The following NDUFC1 variants were observed in gnomAD, a reference collection of about 807,000 sequenced individuals.
The protein encoded by NDUFC1 is NADH:ubiquinone oxidoreductase subunit C1.
NDUFC1 carries 11 observed loss-of-function variants against 11.6 expected under a neutral mutation model. The observed-to-expected ratio is 0.95, with a 90% CI of 0.60 to 1.58. NDUFC1 has a LOEUF of 1.58. Among genes scored for constraint, NDUFC1 ranks in the 40% most tolerant of loss-of-function variants. The pLI is 0.00. For missense variants in NDUFC1, 112 were observed against 93.0 expected (o/e 1.20, Z -0.84); for synonymous variants, 52 against 42.2 (o/e 1.23, Z -0.90).
downstream of NDUFC1, chr4:139,289,930 C>T (rs1289166099): frequency 2.6e-5 from 4 of 152,152 alleles, no homozygotes; most frequent in African/African-American, 9.7e-5. Flanking sequence ...TCACAATATG[C>T]TTTATCTGAA....
At chr4:139,294,923 T>A in intron 4 of NDUFC1, 120 bp downstream of exon 4, 1 of 670,658 alleles carries the variant, frequency 1.5e-6, no homozygotes, top group South Asian at 1.8e-5. Flanking sequence ...ATAAATATCC[T>A]ACTGTTATGA....
At chr4:139,296,019 G>A (rs1200511021) in intron 2 of NDUFC1, 59 bp from the exon 3 acceptor site, 35 of 514,864 alleles carry the variant, frequency 6.8e-5, no homozygotes, top group African/African-American at 1.0e-4. Flanking sequence ...CCTATTCTCT[G>A]TCCTCTGGGG....
intron 1 of NDUFC1, among the ~76,000 whole-genome samples, chr4:139,299,443 T>C (rs1745611940): frequency 6.6e-6 from 1 of 152,124 alleles, no homozygotes; most frequent in Admixed American, 6.6e-5. Flanking sequence ...GAGTTAGCAT[T>C]TGGAACATAG....
intron 5 of NDUFC1, among the ~76,000 whole-genome samples, chr4:139,291,986 G>A (rs984619511): frequency 2.6e-5 from 4 of 151,872 alleles, no homozygotes; most frequent in Admixed American, 1.3e-4. Flanking sequence ...ACAGGCGCCC[G>A]CCACAACACC....
chr4:139,301,870 A>T (rs1319358220), intron 1 of NDUFC1: 1 of 1,562,946 alleles, frequency 6.4e-7, no homozygotes, highest in Non-Finnish European at 8.7e-7. Flanking sequence ...GGGAGGATTT[A>T]GCCGGTAACC....
At chr4:139,296,795 G>A (rs1473321839) in intron 2 of NDUFC1, among the ~76,000 whole-genome samples, 2 of 152,084 alleles carry the variant, frequency 1.3e-5, no homozygotes, top group Non-Finnish European at 2.9e-5. Context: ...AATATTTATA[G>A]GTAACAGACA....
chr4:139,301,986 C>T (rs1023684473), intron 1 of NDUFC1: 2 of 765,476 alleles, frequency 2.6e-6, no homozygotes, highest in Non-Finnish European at 4.0e-6. Flanking sequence ...TGCTCCCTCT[C>T]TGTGGTTCCT....
intron 1 of NDUFC1, among the ~76,000 whole-genome samples, chr4:139,298,962 T>C (rs1028889669): frequency 2.0e-5 from 3 of 151,842 alleles, no homozygotes; most frequent in African/African-American, 7.3e-5. Flanking sequence ...TATGAGGCAT[T>C]ATGCCTGGCC....
At chr4:139,293,755 G>C (rs1433549830) in intron 4 of NDUFC1, among the ~76,000 whole-genome samples, 3 of 152,032 alleles carry the variant, frequency 2.0e-5, no homozygotes, top group African/African-American at 7.2e-5. Flanking sequence ...TCCCAACAGA[G>C]GCAGTGTTTC....
chr4:139,292,508 T>A, intron 5 of NDUFC1, 22 bp downstream of exon 5: 1 of 1,150,478 alleles, frequency 8.7e-7, no homozygotes, highest in Non-Finnish European at 1.3e-6. Flanking sequence ...AATCTATTCA[T>A]CCAATAAGCT....
chr4:139,298,970 G>A (rs887432020), intron 1 of NDUFC1, among the ~76,000 whole-genome samples: 6 of 151,610 alleles, frequency 4.0e-5, no homozygotes, highest in Non-Finnish European at 7.4e-5. Flanking sequence ...ATTATGCCTG[G>A]CCTATGTTTT....
chr4:139,299,863 T>A (rs1255333612), intron 1 of NDUFC1, among the ~76,000 whole-genome samples: 1 of 152,198 alleles, frequency 6.6e-6, no homozygotes, highest in Admixed American at 6.5e-5. Context: ...ATTTTCTTCC[T>A]CTGAAGGAAA....
At chr4:139,291,837 C>T (rs888456998) in intron 5 of NDUFC1, among the ~76,000 whole-genome samples, 3 of 151,404 alleles carry the variant, frequency 2.0e-5, no homozygotes, top group Non-Finnish European at 4.4e-5. Flanking sequence ...ATTTTGGGTT[C>T]ATTCTTTTTT....
chr4:139,292,523 T>C lies in NDUFC1; in HGVS notation c.*20+7A>G, dbSNP rs757997057. 1 of 1,347,514 alleles carries C rather than the reference T, an allele frequency of 7.4e-7. No homozygotes were observed. 83.5% of individuals were successfully genotyped at this position (1,347,514 alleles called of 1,614,324 possible). ...AATCTATTCATCCAATAAGCTTGTATACTTACTACATTAGTGTTTCAAAAG... is the reference window on the plus strand; with the variant it reads ...AATCTATTCATCCAATAAGCTTGTACACTTACTACATTAGTGTTTCAAAAG... On this transcript the variant is annotated splice_region_variant and intron_variant, in intron 5 of 5. Coordinates refer to ENST00000394223, the MANE Select transcript of NDUFC1 (RefSeq NM_001184989.2).
chr4:139,301,761 C>T, intron 1 of NDUFC1: 1 of 1,562,724 alleles, frequency 6.4e-7, no homozygotes, highest in Non-Finnish European at 8.7e-7. Flanking sequence ...GCGGGAGCAG[C>T]GGGAGCAGCC....
At chr4:139,298,438 C>CAAA (rs147060181) in intron 1 of NDUFC1, among the ~76,000 whole-genome samples, 3 of 84,334 alleles carry the variant, frequency 3.6e-5, no homozygotes, top group East Asian at 4.0e-4. Flanking sequence ...AACTCTGTCT[C>CAAA]AAAAAAAAAA....
chr4:139,290,733 A>G (rs1392424899), intron 5 of NDUFC1, among the ~76,000 whole-genome samples: 3 of 151,016 alleles, frequency 2.0e-5, no homozygotes, highest in Non-Finnish European at 2.9e-5. Flanking sequence ...ATATATATAT[A>G]TGTACACTGT....
At chr4:139,294,235 G>A (rs1384761517) in intron 4 of NDUFC1, among the ~76,000 whole-genome samples, 1 of 151,684 alleles carries the variant, frequency 6.6e-6, no homozygotes, top group Non-Finnish European at 1.5e-5. Context: ...GAGCCACCAC[G>A]TCCGGCCTGA....
At chr4:139,297,728 T>C (rs964724786) in intron 1 of NDUFC1, among the ~76,000 whole-genome samples, 1 of 152,198 alleles carries the variant, frequency 6.6e-6, no homozygotes, top group African/African-American at 2.4e-5. Flanking sequence ...AAAAAATCCC[T>C]ATTTTTATTG....
Sources: allele counts gnomAD v4.1 joint callset (sites outside exome capture counted in the v4.1 genomes callset), GRCh38; gene constraint gnomAD v4.1.1; transcripts MANE v1.5; gene names NCBI Gene and HGNC (gene_info 2026-07-23, HGNC 2026-07-21).